The following DYM variants were observed in gnomAD, a reference collection of about 807,000 sequenced individuals.
DYM encodes dymeclin, also known as dyggve-Melchior-Clausen syndrome protein.
Under a neutral mutation model 93.1 loss-of-function variants are expected in DYM, and 78 were observed. The ratio of observed to expected loss-of-function variants is 0.84; its 90% CI spans 0.70 to 1.01. The LOEUF (loss-of-function observed/expected upper bound fraction) is 1.01, where lower values mean the gene tolerates loss of function less well. DYM is among the 50% of genes least tolerant of loss of function. The probability of loss-of-function intolerance (pLI) is 0.00; values close to 1 mark genes in which losing one functional copy is unlikely to be tolerated. For missense variants in DYM, 789 were observed against 845.0 expected (o/e 0.93, Z 0.82); for synonymous variants, 321 against 319.7 (o/e 1.00, Z -0.04).
chr18:49,264,876 T>C (rs773659131), intron 11 of DYM, among the ~76,000 whole-genome samples: 1 of 152,196 alleles, frequency 6.6e-6, no homozygotes, highest in Non-Finnish European at 1.5e-5. Flanking sequence ...AAGTCTACCA[T>C]ACCTCTATAA....
intron 8 of DYM, among the ~76,000 whole-genome samples, chr18:49,318,777 A>G (rs2062210573): frequency 6.6e-6 from 1 of 151,504 alleles, no homozygotes; most frequent in Admixed American, 6.6e-5. Context: ...GTATATGAAC[A>G]GGTAACATTA....
chr18:49,445,994 G>A (rs1323867371), intron 1 of DYM, among the ~76,000 whole-genome samples: 1 of 151,932 alleles, frequency 6.6e-6, no homozygotes, highest in Non-Finnish European at 1.5e-5. Context: ...TTAGAAATAG[G>A]GGAAGGAAAG....
rs577584775 is a variant in DYM, at chr18:49,413,958, C to T, written c.140+16297G>A. Among the ~76,000 whole-genome samples the T allele has an allele frequency of 2.6e-5, 4 of 152,030 alleles. No homozygotes were observed. The East Asian group carries it at 7.7e-4, about 29-fold the overall frequency. Reference sequence around the variant, plus strand: ...CCAGGAGGCGGAGGTTACATTGAGCCAAAATCACGCCACTGCACTCCAGCC... The same window carrying T: ...CCAGGAGGCGGAGGTTACATTGAGCTAAAATCACGCCACTGCACTCCAGCC... On this transcript the variant is annotated intron_variant, in intron 2 of 17. Coordinates refer to ENST00000675505, the MANE Select transcript of DYM (RefSeq NM_001353214.3).
At chr18:49,292,590 T>TG (rs1170859011) in intron 8 of DYM, among the ~76,000 whole-genome samples, 3 of 72,364 alleles carry the variant, frequency 4.1e-5, no homozygotes, top group African/African-American at 1.2e-4. Flanking sequence ...ATTTTCCTGT[T>TG]GGAAAAAAAA....
intron 17 of DYM, among the ~76,000 whole-genome samples, chr18:49,089,755 C>T (rs556611926): frequency 6.6e-6 from 1 of 152,188 alleles, no homozygotes; most frequent in Admixed American, 6.5e-5. Flanking sequence ...TAAGAGAATT[C>T]TCTTGAAATC....
chr18:49,114,483 A>G, intron 16 of DYM: 2 of 885,776 alleles, frequency 2.3e-6, no homozygotes, highest in Non-Finnish European at 2.7e-6. Flanking sequence ...TTTTACTTCT[A>G]TATGGTTCTA....
At chr18:49,081,402 G>C (rs2077999650) in intron 17 of DYM, among the ~76,000 whole-genome samples, 1 of 152,004 alleles carries the variant, frequency 6.6e-6, no homozygotes, top group Non-Finnish European at 1.5e-5. Flanking sequence ...CACTCAGCAG[G>C]CTGAGGCAGG....
intron 17 of DYM, among the ~76,000 whole-genome samples, chr18:49,069,862 G>A (rs755059273): frequency 5.4e-4 from 82 of 152,172 alleles, no homozygotes; most frequent in South Asian, 6.2e-4. Flanking sequence ...CCAACATGGT[G>A]AAACCCCATC....
intron 13 of DYM, among the ~76,000 whole-genome samples, chr18:49,226,864 AT>A (rs2093551588): frequency 6.6e-6 from 1 of 152,106 alleles, no homozygotes; most frequent in South Asian, 2.1e-4. Flanking sequence ...CCTAAAGCAC[AT>A]GCTCATTACA....
intron 2 of DYM, among the ~76,000 whole-genome samples, chr18:49,415,109 A>G (rs8088875): frequency 0.73 from 110,872 of 151,670 alleles, 40,483 homozygotes; most frequent in South Asian, 0.76. Context: ...TTCAACCTGA[A>G]GTCAGGAGTT....
At chr18:49,384,099 G>A (rs1172491984) in intron 3 of DYM, among the ~76,000 whole-genome samples, 1 of 151,702 alleles carries the variant, frequency 6.6e-6, no homozygotes. Context: ...CAAGGTGAGA[G>A]AATTGCTTGT....
chr18:49,266,023 G>C (rs2094564718), intron 11 of DYM, among the ~76,000 whole-genome samples: 1 of 151,842 alleles, frequency 6.6e-6, no homozygotes, highest in African/African-American at 2.4e-5. Context: ...AGCCAGGTGT[G>C]GTGGTACTTG....
At chr18:49,080,423 C>T (rs1444717720) in intron 17 of DYM, among the ~76,000 whole-genome samples, 21 of 134,354 alleles carry the variant, frequency 1.6e-4, no homozygotes, top group African/African-American at 5.9e-4. Flanking sequence ...GGGTGGCTGG[C>T]CCGGCAGAGG....
chr18:49,241,334 T>C (rs1323019606), intron 13 of DYM, among the ~76,000 whole-genome samples: 1 of 152,212 alleles, frequency 6.6e-6, no homozygotes, highest in Non-Finnish European at 1.5e-5. Context: ...CAAACTTGGA[T>C]TTCAATTTCA....
chr18:49,046,094 A>C (rs2071468795), intron 17 of DYM, among the ~76,000 whole-genome samples: 1 of 151,958 alleles, frequency 6.6e-6, no homozygotes, highest in Non-Finnish European at 1.5e-5. Flanking sequence ...GCACACACAC[A>C]CACACACCCA....
chr18:49,345,122 A>C (rs1413527493), intron 6 of DYM, among the ~76,000 whole-genome samples: 1 of 152,188 alleles, frequency 6.6e-6, no homozygotes, highest in Non-Finnish European at 1.5e-5. Flanking sequence ...CTTGATAAGA[A>C]TACACAAGGC....
At chr18:49,392,874 G>A (rs1935990622) in intron 2 of DYM, among the ~76,000 whole-genome samples, 1 of 150,240 alleles carries the variant, frequency 6.7e-6, no homozygotes, top group Non-Finnish European at 1.5e-5. Flanking sequence ...ACACGCCTGT[G>A]ATCCCAGCTA....
At chr18:49,135,572 A>C (rs2083768177) in intron 15 of DYM, among the ~76,000 whole-genome samples, 1 of 152,220 alleles carries the variant, frequency 6.6e-6, no homozygotes, top group Admixed American at 6.5e-5. Flanking sequence ...TTACTAGTAA[A>C]AGCAATGGTA....
intron 8 of DYM, among the ~76,000 whole-genome samples, chr18:49,325,546 C>A (rs1184112674): frequency 6.6e-6 from 1 of 152,072 alleles, no homozygotes; most frequent in Non-Finnish European, 1.5e-5. Context: ...TAATTATGGG[C>A]CACACACCTA....
Sources: gnomAD v4.1 joint callset for allele counts (sites outside exome capture counted in the v4.1 genomes callset) on GRCh38, gnomAD v4.1.1 for gene constraint, MANE v1.5 for transcripts, NCBI Gene and HGNC (gene_info 2026-07-23, HGNC 2026-07-21) for gene names.